RALYL: variants seen among roughly 807,000 people sequenced by gnomAD.
The protein encoded by RALYL is RALY RNA binding protein like.
Under a neutral mutation model 35.1 loss-of-function variants are expected in RALYL, and 29 were observed. The observed-to-expected ratio is 0.83, with a 90% CI of 0.61 to 1.13. The LOEUF (loss-of-function observed/expected upper bound fraction) is 1.13. RALYL is among the 50% of genes most tolerant of loss of function. RALYL has a pLI of 0.00. For synonymous variants in RALYL, 120 were observed against 127.6 expected (o/e 0.94, Z 0.40); for missense variants, 359 against 360.4 (o/e 1.00, Z 0.03).
chr8:84,425,621 CA>C (rs2046319593), intron 1 of RALYL, among the ~76,000 whole-genome samples: 2 of 152,140 alleles, frequency 1.3e-5, no homozygotes, highest in African/African-American at 4.8e-5. Flanking sequence ...TCCAATTTTC[CA>C]AAACAGCAAT....
At chr8:84,678,600 G>T (rs1354911100) in intron 2 of RALYL, among the ~76,000 whole-genome samples, 2 of 152,122 alleles carry the variant, frequency 1.3e-5, no homozygotes, top group African/African-American at 4.8e-5. Context: ...ACAAGCATAT[G>T]ATAAGGAATT....
intron 2 of RALYL, among the ~76,000 whole-genome samples, chr8:84,664,879 A>C (rs1831667775): frequency 6.6e-6 from 1 of 152,160 alleles, no homozygotes; most frequent in Non-Finnish European, 1.5e-5. Flanking sequence ...AAAAGTGGTG[A>C]AAGAAGACAT....
intron 2 of RALYL, among the ~76,000 whole-genome samples, chr8:84,597,954 G>C (rs749056037): frequency 3.9e-5 from 6 of 152,022 alleles, no homozygotes; most frequent in Non-Finnish European, 8.8e-5. Context: ...ATCATTTCTC[G>C]AATCAAAATA....
chr8:84,761,536 T>C (rs1812705304), intron 2 of RALYL, among the ~76,000 whole-genome samples: 1 of 152,108 alleles, frequency 6.6e-6, no homozygotes, highest in African/African-American at 2.4e-5. Context: ...TTTAATAATT[T>C]TAATGCCCCC....
intron 2 of RALYL, among the ~76,000 whole-genome samples, chr8:84,651,344 A>G (rs927314779): frequency 2.6e-5 from 4 of 151,942 alleles, no homozygotes; most frequent in Non-Finnish European, 5.9e-5. Flanking sequence ...TAATAATTAT[A>G]CTATAATTAA....
At chr8:84,696,741 G>A (rs942519291) in intron 2 of RALYL, among the ~76,000 whole-genome samples, 8 of 151,790 alleles carry the variant, frequency 5.3e-5, no homozygotes, top group African/African-American at 1.5e-4. Context: ...ATCTAAAAAC[G>A]GTTTTTATAA....
At chr8:84,634,360 G>T (rs147278468) in intron 2 of RALYL, among the ~76,000 whole-genome samples, 1 of 151,858 alleles carries the variant, frequency 6.6e-6, no homozygotes, top group East Asian at 1.9e-4. Context: ...AAACCCCGAT[G>T]AACCACTATA....
intron 2 of RALYL, among the ~76,000 whole-genome samples, chr8:84,718,779 A>G (rs1843358663): frequency 1.3e-5 from 2 of 152,052 alleles, no homozygotes; most frequent in African/African-American, 4.8e-5. Context: ...AAAAAGAAAA[A>G]GAAAGAAAAG....
intron 1 of RALYL, among the ~76,000 whole-genome samples, chr8:84,370,359 A>G (rs1855431573): frequency 6.6e-6 from 1 of 152,092 alleles, no homozygotes; most frequent in Non-Finnish European, 1.5e-5. Flanking sequence ...ATTGTCAAGA[A>G]TAAGAAGTTA....
At chr8:84,648,365 A>G (rs952139960) in intron 2 of RALYL, among the ~76,000 whole-genome samples, 1 of 152,136 alleles carries the variant, frequency 6.6e-6, no homozygotes, top group Non-Finnish European at 1.5e-5. Flanking sequence ...AATGAGGAAG[A>G]AAAGTTTATG....
At chr8:84,632,067 G>C (rs781198075) in intron 2 of RALYL, among the ~76,000 whole-genome samples, 1 of 151,750 alleles carries the variant, frequency 6.6e-6, no homozygotes, top group African/African-American at 2.4e-5. Context: ...ATTAGGTTAT[G>C]AGGCTGGAGG....
At chr8:84,804,736 T>C in intron 3 of RALYL, 34 bp from the exon 4 acceptor site, 1 of 1,102,396 alleles carries the variant, frequency 9.1e-7, no homozygotes, top group Non-Finnish European at 1.2e-6. Flanking sequence ...AGCAAATTTT[T>C]ATATTAAAAG....
rs777882888 is a variant in RALYL, at chr8:84,191,550, G to A, written c.-24+7126G>A. On this transcript the variant is annotated intron_variant, in intron 1 of 8. Coordinates refer to ENST00000521268, the MANE Select transcript of RALYL (RefSeq NM_173848.7). ...TAGAATTGGCTGATTCTAAGTCTGG[G>A]CAGAAAAAACACAAGATGAGCCTGG... is the stretch of plus-strand genomic sequence containing the variant. Among the ~76,000 whole-genome samples, 25 of 152,072 alleles carry A rather than the reference G, an allele frequency of 1.6e-4. No homozygotes were observed. In the South Asian group the frequency reaches 1.9e-3, roughly 11 times the overall value.
rs143050559 is a variant in RALYL, at chr8:84,802,846, G to A, written c.333-1924G>A. 3.7e-4 allele frequency among the ~76,000 whole-genome samples: 56 copies of A among 152,206 alleles called. 1 individual carries two copies. The East Asian group carries it at 8.9e-3, about 24-fold the overall frequency. ...GAAGTGACTTTGAACAAAGAATTTC[G>A]GAGAGACTAACTAGGCTGGGGTAAC... On this transcript the variant is annotated intron_variant, in intron 3 of 8. Transcript: ENST00000521268.
chr8:84,444,887 G>T (rs927091387), intron 1 of RALYL, among the ~76,000 whole-genome samples: 2 of 152,016 alleles, frequency 1.3e-5, no homozygotes, highest in South Asian at 2.1e-4. Context: ...GAATTATAAT[G>T]GCTGATGTAT....
intron 2 of RALYL, among the ~76,000 whole-genome samples, chr8:84,545,627 C>T (rs1401042398): frequency 6.6e-6 from 1 of 152,112 alleles, no homozygotes; most frequent in Non-Finnish European, 1.5e-5. Context: ...GTATGATCCT[C>T]ATGTATATTT....
At chr8:84,385,659 T>C (rs539363922) in intron 1 of RALYL, among the ~76,000 whole-genome samples, 5 of 151,988 alleles carry the variant, frequency 3.3e-5, no homozygotes, top group East Asian at 1.9e-4. Context: ...TTGACTCTCT[T>C]TGTCTCAGAA....
At chr8:84,668,403 CAG>C (rs1355758263) in intron 2 of RALYL, among the ~76,000 whole-genome samples, 1 of 151,972 alleles carries the variant, frequency 6.6e-6, no homozygotes, top group African/African-American at 2.4e-5. Context: ...ACGTATGTAA[CAG>C]GGGATAGGGA....
intron 3 of RALYL, among the ~76,000 whole-genome samples, chr8:84,795,637 C>T (rs373967995): frequency 6.6e-6 from 1 of 152,108 alleles, no homozygotes; most frequent in African/African-American, 2.4e-5. Context: ...ATTTCTGTAC[C>T]TTCCATTAGC....
Sources: allele counts gnomAD v4.1 joint callset (sites outside exome capture counted in the v4.1 genomes callset), GRCh38; gene constraint gnomAD v4.1.1; transcripts MANE v1.5; gene names NCBI Gene and HGNC (gene_info 2026-07-23, HGNC 2026-07-21).